The following EZR variants were observed in gnomAD, a reference collection of about 807,000 sequenced individuals.
The protein encoded by EZR is ezrin.
EZR carries 40 observed loss-of-function variants against 74.8 expected under a neutral mutation model. The observed-to-expected ratio is 0.53, with a 90% CI of 0.42 to 0.70. The LOEUF is 0.70. Ranked by LOEUF, EZR falls within the 30% of genes least tolerant of loss-of-function variation. The pLI is 0.00. For missense variants in EZR, 678 were observed against 755.8 expected, an observed-to-expected ratio of 0.90 and a Z score of 1.21; for synonymous variants, 341 against 283.3, an observed-to-expected ratio of 1.20 and a Z score of -2.05.
intron 2 of EZR, among the ~76,000 whole-genome samples, chr6:158,817,383 G>C (rs1387121413): frequency 6.6e-6 from 1 of 152,182 alleles, no homozygotes; most frequent in East Asian, 1.9e-4. Flanking sequence ...CAGATTCAAG[G>C]AGACAGAGGC....
chr6:158,813,291 C>A (rs917596042), intron 2 of EZR, among the ~76,000 whole-genome samples: 1 of 152,220 alleles, frequency 6.6e-6, no homozygotes, highest in Non-Finnish European at 1.5e-5. Flanking sequence ...CCAGCACATA[C>A]ACACTTCATC....
intron 2 of EZR, among the ~76,000 whole-genome samples, chr6:158,790,678 C>CA (rs199947350): frequency 9.3e-6 from 1 of 107,228 alleles, no homozygotes; most frequent in African/African-American, 3.0e-5. Flanking sequence ...CATCTCAAAA[C>CA]AAACAAACAA....
chr6:158,786,065 CAACA>C (rs534890794), intron 4 of EZR, among the ~76,000 whole-genome samples: 191 of 145,486 alleles, frequency 1.3e-3, no homozygotes, highest in African/African-American at 4.6e-3. Context: ...TAAAAAACAA[CAACA>C]AACAAACAAA....
rs147757313 is a variant in EZR, at chr6:158,798,622, CTTTTTTTTTT to C, written c.13-9261_13-9252del. ...AAAAGGGACTTAGTTTGCTGCTCCG[CTTTTTTTTTT>C]TTTTTTTTTTTTTTTGAGAAAGGGT... On this transcript the variant is annotated intron_variant, in intron 2 of 13. Coordinates refer to ENST00000367075, the MANE Select transcript of EZR (RefSeq NM_001111077.2). Among the ~76,000 whole-genome samples, 119 of 122,202 alleles carry C rather than the reference CTTTTTTTTTT, an allele frequency of 9.7e-4. 1 individual carries two copies. The highest frequency in any genetic ancestry group is 2.9e-3 in the African/African-American group (91 of 31,660). 80.2% of individuals were successfully genotyped at this position (122,202 alleles called of 152,430 possible). A position where few individuals can be genotyped will look rare whatever the true frequency, so the allele number is the denominator to read the frequency against.
rs142147934 is a variant in EZR, at chr6:158,809,201, T to C, written c.12+8881A>G. Among the ~76,000 whole-genome samples the C allele has an allele frequency of 1.7e-3, 254 of 146,328 alleles. 1 individual carries two copies. The highest frequency in any genetic ancestry group is 5.9e-3 in the African/African-American group (235 of 39,990). On this transcript the variant is annotated intron_variant, in intron 2 of 13. Transcript: ENST00000367075. Reference sequence around the variant, plus strand: ...CGTTATAGGTGGAGACCGAGTTCTATGAGTGCAGTAAAGTGGGGCACGGCA... The same window carrying C: ...CGTTATAGGTGGAGACCGAGTTCTACGAGTGCAGTAAAGTGGGGCACGGCA...
rs1353327286 is a variant in EZR at position 158,766,711 on chromosome 6, C to CA, written c.*202_*203insT. 1.6e-6 allele frequency: 1 copy of CA among 609,226 alleles called. No individual in the cohort carries two copies. Among genetic ancestry groups the CA allele is most frequent in the African/African-American group, 1.8e-5 (1 of 54,324 alleles). 37.7% of individuals were successfully genotyped at this position (609,226 alleles called of 1,614,324 possible). A position where few individuals can be genotyped will look rare whatever the true frequency, so the allele number is the denominator to read the frequency against. On this transcript the variant is annotated 3_prime_UTR_variant, in exon 14 of 14. Transcript: ENST00000367075. ...TCGAGAATAATCGCGAGAATCAGGC[C>CA]TGCTTGGCACTATTACAACTGGGGA...
chr6:158,814,633 T>C (rs1390105326), intron 2 of EZR, among the ~76,000 whole-genome samples: 1 of 148,712 alleles, frequency 6.7e-6, no homozygotes, highest in African/African-American at 2.5e-5. Flanking sequence ...AACCTTCACC[T>C]CCCAGGTTCA....
intron 2 of EZR, among the ~76,000 whole-genome samples, chr6:158,792,458 AAAGC>A (rs757757568): frequency 4.6e-4 from 70 of 152,248 alleles, no homozygotes; most frequent in Middle Eastern, 6.8e-3. Flanking sequence ...CTGGCCTGAA[AAAGC>A]AAGTAACTTG....
chr6:158,769,729 T>C (rs905135973), intron 11 of EZR, 55 bp downstream of exon 11: 1 of 1,598,050 alleles, frequency 6.3e-7, no homozygotes, highest in South Asian at 1.1e-5. Flanking sequence ...ACATTTTCCA[T>C]CCTCAGAAGC....
chr6:158,792,899 C>A (rs1374333776), intron 2 of EZR, among the ~76,000 whole-genome samples: 1 of 151,904 alleles, frequency 6.6e-6, no homozygotes, highest in Non-Finnish European at 1.5e-5. Context: ...CATCTGAGCA[C>A]CAGCAGCTCC....
intron 2 of EZR, among the ~76,000 whole-genome samples, chr6:158,801,075 CAGTG>C (rs1344846516): frequency 1.3e-5 from 2 of 152,190 alleles, no homozygotes; most frequent in African/African-American, 2.4e-5. Context: ...GTCGAGCCTG[CAGTG>C]AGCCATGCTT....
At chr6:158,786,102 G>A (rs545308963) in intron 4 of EZR, among the ~76,000 whole-genome samples, 42 of 151,770 alleles carry the variant, frequency 2.8e-4, no homozygotes, top group African/African-American at 9.4e-4. Context: ...GGCCAGGCAT[G>A]GTGGCTCACG....
At chr6:158,801,600 G>T (rs1005277272) in intron 2 of EZR, among the ~76,000 whole-genome samples, 2 of 152,124 alleles carry the variant, frequency 1.3e-5, no homozygotes, top group African/African-American at 4.8e-5. Flanking sequence ...ATTCTGATAA[G>T]TTTTCATATA....
chr6:158,797,221 A>G (rs185589230), intron 2 of EZR, among the ~76,000 whole-genome samples: 5 of 152,334 alleles, frequency 3.3e-5, no homozygotes, highest in Non-Finnish European at 7.3e-5. Flanking sequence ...CTCCACAAAC[A>G]TTACAGGAGA....
At chr6:158,806,331 T>A (rs1777338231) in intron 2 of EZR, among the ~76,000 whole-genome samples, 1 of 152,222 alleles carries the variant, frequency 6.6e-6, no homozygotes, top group South Asian at 2.1e-4. Flanking sequence ...TCTCTCCCTT[T>A]CTACCCTATA....
intron 12 of EZR, among the ~76,000 whole-genome samples, chr6:158,768,754 G>T (rs1790999798): frequency 6.6e-6 from 1 of 152,192 alleles, no homozygotes; most frequent in African/African-American, 2.4e-5. Context: ...CATCTGCAGA[G>T]CAACCTTATG....
At chr6:158,800,757 G>GC (rs2128573849) in intron 2 of EZR, among the ~76,000 whole-genome samples, 1 of 152,194 alleles carries the variant, frequency 6.6e-6, no homozygotes, top group East Asian at 1.9e-4. Flanking sequence ...TGCCGAGATT[G>GC]CACCACTGCA....
intron 2 of EZR, among the ~76,000 whole-genome samples, chr6:158,794,273 T>G (rs1177376136): frequency 6.6e-6 from 1 of 151,990 alleles, no homozygotes; most frequent in Non-Finnish European, 1.5e-5. Flanking sequence ...CAGCGAAGAC[T>G]CAAAACCACC....
At chr6:158,804,252 A>C (rs3127194) in intron 2 of EZR, among the ~76,000 whole-genome samples, 79,735 of 151,836 alleles carry the variant, frequency 0.53, 21,870 homozygotes, top group Non-Finnish European at 0.61. Context: ...GTAAACTGGA[A>C]TTCTTAGACA....
Sources: allele counts gnomAD v4.1 joint callset (sites outside exome capture counted in the v4.1 genomes callset), GRCh38; gene constraint gnomAD v4.1.1; transcripts MANE v1.5; gene names NCBI Gene and HGNC (gene_info 2026-07-23, HGNC 2026-07-21).